The following MEI4 variants were observed in gnomAD, a reference collection of about 807,000 sequenced individuals.
The protein encoded by MEI4 is meiotic double-stranded break formation protein 4.
In MEI4, 27 loss-of-function variants were observed where a neutral mutation model predicts 31.4. The ratio of observed to expected loss-of-function variants is 0.86; its 90% CI spans 0.63 to 1.19. The LOEUF is 1.19. Ranked by LOEUF, MEI4 falls within the 50% of genes most tolerant of loss-of-function variation. MEI4 has a pLI of 0.00. For missense variants in MEI4, 329 were observed against 398.9 expected, an observed-to-expected ratio of 0.82 and a Z score of 1.49; for synonymous variants, 122 against 145.4, an observed-to-expected ratio of 0.84 and a Z score of 1.16.
chr6:77,672,084 C>T (rs996364719), intron 1 of MEI4, among the ~76,000 whole-genome samples: 9 of 152,264 alleles, frequency 5.9e-5, no homozygotes, highest in Admixed American at 4.6e-4. Flanking sequence ...GTCAGCAGAA[C>T]GTCTGATTGT....
chr6:77,788,389 G>C (rs1003807865), intron 3 of MEI4, among the ~76,000 whole-genome samples: 1 of 152,140 alleles, frequency 6.6e-6, no homozygotes, highest in Non-Finnish European at 1.5e-5. Context: ...CATAGTGTTG[G>C]AAGTTCTGGC....
intron 3 of MEI4, among the ~76,000 whole-genome samples, chr6:77,800,650 T>A (rs1232511631): frequency 2.0e-5 from 3 of 152,200 alleles, no homozygotes; most frequent in Non-Finnish European, 4.4e-5. Context: ...GCTCTTATTA[T>A]TTTGAGGTAC....
chr6:77,919,390 GA>G (rs1457148317), intron 4 of MEI4, among the ~76,000 whole-genome samples: 1 of 152,066 alleles, frequency 6.6e-6, no homozygotes, highest in Non-Finnish European at 1.5e-5. Flanking sequence ...ACCTGCTCCT[GA>G]ATGACTACTG....
intron 2 of MEI4, among the ~76,000 whole-genome samples, chr6:77,717,057 C>T (rs1170950931): frequency 7.0e-6 from 1 of 143,506 alleles, no homozygotes; most frequent in Non-Finnish European, 1.5e-5. Context: ...ATAAGGGGAC[C>T]CGGGGAACCA....
chr6:77,867,245 G>T (rs1771056934), intron 4 of MEI4, among the ~76,000 whole-genome samples: 1 of 152,200 alleles, frequency 6.6e-6, no homozygotes, highest in Non-Finnish European at 1.5e-5. Context: ...AAACTAAAGA[G>T]CTTCTGCATA....
Position 77,923,261 on chromosome 6 carries a change from C to T in MEI4, c.1073C>T (p.Ser358Phe). The T allele has an allele frequency of 8.1e-7, 1 of 1,230,416 alleles. No individual in the cohort carries two copies. Among genetic ancestry groups the T allele is most frequent in the Non-Finnish European group, 1.0e-6 (1 of 986,786 alleles). 76.2% of individuals were successfully genotyped at this position (1,230,416 alleles called of 1,614,324 possible). Residue 358 changes from serine (S) to phenylalanine (F), a missense_variant, in exon 5 of 5, where the codon TCT becomes TTT. Ser to Phe is a radical substitution (Grantham distance 155). Transcript: ENST00000684080. ...CATGATGAAACTATTTTCCAACTTTCTGATGCATTTCCTTTGTTTACTTTT... is the reference window on the plus strand; with the variant it reads ...CATGATGAAACTATTTTCCAACTTTTTGATGCATTTCCTTTGTTTACTTTT... ...QKHDETIFQL[S>F]DAFPLFTFYL...
chr6:77,655,219 T>C (rs1457344165), intron 1 of MEI4, among the ~76,000 whole-genome samples: 1 of 152,326 alleles, frequency 6.6e-6, no homozygotes, highest in Middle Eastern at 3.4e-3. Context: ...TCCATGTCCC[T>C]CCAAAGGACA....
At chr6:77,846,820 C>G (rs547621341) in intron 4 of MEI4, among the ~76,000 whole-genome samples, 1 of 152,264 alleles carries the variant, frequency 6.6e-6, no homozygotes, top group Non-Finnish European at 1.5e-5. Context: ...TAAGCATTGA[C>G]AGTTCAAGGG....
chr6:77,734,434 G>A (rs1048524350), intron 2 of MEI4, among the ~76,000 whole-genome samples: 2 of 151,994 alleles, frequency 1.3e-5, no homozygotes, highest in African/African-American at 4.8e-5. Flanking sequence ...TTTAAAGTCT[G>A]TTTTATCAGA....
At chr6:77,893,211 G>A (rs1488027593) in intron 4 of MEI4, among the ~76,000 whole-genome samples, 2 of 152,234 alleles carry the variant, frequency 1.3e-5, no homozygotes, top group Non-Finnish European at 2.9e-5. Flanking sequence ...TTGTAGAGAA[G>A]GTGAGTGCCA....
intron 4 of MEI4, among the ~76,000 whole-genome samples, chr6:77,880,186 A>G (rs532376503): frequency 9.2e-5 from 14 of 151,902 alleles, no homozygotes; most frequent in Admixed American, 5.9e-4. Flanking sequence ...GATGGCAAGA[A>G]CTGTATTTGT....
intron 3 of MEI4, among the ~76,000 whole-genome samples, chr6:77,796,299 T>A (rs1769073122): frequency 6.6e-6 from 1 of 152,144 alleles, no homozygotes; most frequent in African/African-American, 2.4e-5. Context: ...AAAGTTTACC[T>A]CAGGAACAGA....
chr6:77,693,465 C>G (rs1052760299), intron 2 of MEI4, among the ~76,000 whole-genome samples: 1 of 151,930 alleles, frequency 6.6e-6, no homozygotes, highest in Non-Finnish European at 1.5e-5. Flanking sequence ...TAGGAGGAAC[C>G]TAGGTGATAG....
Position 77,842,733 on chromosome 6 carries a change from C to G in MEI4, c.900+13671C>G, listed in dbSNP as rs542380514. Among the ~76,000 whole-genome samples the G allele has an allele frequency of 4.6e-5, 7 of 152,014 alleles. No individual in the cohort carries two copies. The East Asian group carries it at 1.2e-3, about 25-fold the overall frequency. The stretch of plus-strand genomic sequence containing the variant: ...AAAGAAAAGGTACAACTTGCCAATG[C>G]CTGTAAAGGGAAGTGGACATCATTG... On this transcript the variant is annotated intron_variant, in intron 4 of 4. Coordinates refer to ENST00000684080, the MANE Select transcript of MEI4 (RefSeq NM_001322247.2).
intron 2 of MEI4, among the ~76,000 whole-genome samples, chr6:77,753,051 G>T (rs1561975191): frequency 6.6e-6 from 1 of 152,190 alleles, no homozygotes; most frequent in Non-Finnish European, 1.5e-5. Context: ...CTAGCCATAT[G>T]CAGAAAGCTG....
At chr6:77,898,808 T>A (rs1439376342) in intron 4 of MEI4, among the ~76,000 whole-genome samples, 1 of 152,092 alleles carries the variant, frequency 6.6e-6, no homozygotes, top group African/African-American at 2.4e-5. Context: ...TTTCCTTTTG[T>A]CCCTTTAGAT....
At chr6:77,918,284 GT>G (rs1365573537) in intron 4 of MEI4, among the ~76,000 whole-genome samples, 3 of 149,672 alleles carry the variant, frequency 2.0e-5, no homozygotes, top group Non-Finnish European at 4.5e-5. Flanking sequence ...CTTTAAAGTA[GT>G]TTTTTCCAAT....
At chr6:77,735,526 T>G (rs1488134762) in intron 2 of MEI4, among the ~76,000 whole-genome samples, 1 of 152,062 alleles carries the variant, frequency 6.6e-6, no homozygotes, top group African/African-American at 2.4e-5. Flanking sequence ...ATTCTAGTTA[T>G]ACATTCTTCT....
At chr6:77,791,085 G>T (rs898468356) in intron 3 of MEI4, among the ~76,000 whole-genome samples, 22 of 152,036 alleles carry the variant, frequency 1.4e-4, no homozygotes, top group African/African-American at 4.6e-4. Context: ...CTGTTGGTGG[G>T]ACTGTAAACT....
Sources: gnomAD v4.1 joint callset for allele counts (sites outside exome capture counted in the v4.1 genomes callset) on GRCh38, gnomAD v4.1.1 for gene constraint, MANE v1.5 for transcripts, NCBI Gene and HGNC (gene_info 2026-07-23, HGNC 2026-07-21) for gene names.